The following LAP3 variants were observed in gnomAD, a reference collection of about 807,000 sequenced individuals.
LAP3 encodes the protein cytosol aminopeptidase.
In LAP3, 46 loss-of-function variants were observed where a neutral mutation model predicts 58.8. The ratio of observed to expected loss-of-function variants is 0.78; its 90% CI spans 0.62 to 1.00. The LOEUF is 1.00. Among genes scored for constraint, LAP3 ranks in the 50% least tolerant of loss-of-function variants. The probability of loss-of-function intolerance (pLI) is 0.00; values close to 1 mark genes in which losing one functional copy is unlikely to be tolerated. For missense variants in LAP3, 615 were observed against 659.1 expected (o/e 0.93, Z 0.73); for synonymous variants, 257 against 237.7 (o/e 1.08, Z -0.75).
intron 11 of LAP3, among the ~76,000 whole-genome samples, chr4:17,605,902 T>C (rs1384971476): frequency 6.6e-6 from 1 of 152,248 alleles, no homozygotes; most frequent in Non-Finnish European, 1.5e-5. Context: ...AACCCTTGGC[T>C]GATTCATCTG....
At chr4:17,595,718 A>G (rs543723504) in intron 8 of LAP3, among the ~76,000 whole-genome samples, 184 bp downstream of exon 8, 8 of 152,320 alleles carry the variant, frequency 5.3e-5, no homozygotes, top group African/African-American at 1.4e-4. Flanking sequence ...AGCTAAATGT[A>G]TCTTGCAACC....
intron 10 of LAP3, among the ~76,000 whole-genome samples, chr4:17,599,290 G>A (rs1429005015): frequency 1.3e-5 from 2 of 152,178 alleles, no homozygotes; most frequent in African/African-American, 2.4e-5. Context: ...TGTAATCCCA[G>A]CACTTTGGGA....
At chr4:17,581,928 C>G in intron 3 of LAP3, 114 bp downstream of exon 3, 1 of 888,950 alleles carries the variant, frequency 1.1e-6, no homozygotes, top group African/African-American at 1.7e-5. Context: ...TGATTTTATT[C>G]CACTATTAAG....
intron 4 of LAP3, 135 bp from the exon 5 acceptor site, chr4:17,583,348 C>G: frequency 1.1e-6 from 1 of 883,646 alleles, no homozygotes; most frequent in Non-Finnish European, 1.8e-6. Flanking sequence ...AAATGAGGCT[C>G]AGAACATTCG....
At chr4:17,605,130 ACACAC>A (rs1215450149) in intron 11 of LAP3, among the ~76,000 whole-genome samples, 2 of 151,560 alleles carry the variant, frequency 1.3e-5, no homozygotes, top group Non-Finnish European at 2.9e-5. Context: ...ACACACACAC[ACACAC>A]ACACACACAC....
chr4:17,583,516 C>T lies in LAP3; in HGVS notation c.413C>T (p.Ser138Leu), dbSNP rs375492076. ...AGGCAGATTCAAGACCTGGAGCTCT[C>T]GTCTGTGGAGGTGGATCCCTGTGGA... is the stretch of plus-strand genomic sequence containing the variant. ...GCRQIQDLELSSVEVDPCGDA... is the reference protein window; with the variant it reads ...GCRQIQDLELLSVEVDPCGDA... The change falls in exon 5 of 13, where the codon TCG becomes TTG. Residue 138 changes from serine (S) to leucine (L), a missense_variant. Coordinates refer to ENST00000226299, the MANE Select transcript of LAP3 (RefSeq NM_015907.3). The T allele has an allele frequency of 4.6e-5, 74 of 1,613,928 alleles. No individual in the cohort carries two copies. The highest frequency in any genetic ancestry group is 1.5e-4 in the African/African-American group (11 of 74,876).
chr4:17,607,468 T>C lies in LAP3; in HGVS notation c.1439T>C (p.Leu480Ser). ...GTAACTCATCCTAAGTGGGCACATT[T>C]AGACATAGCAGGCGTGATGACCAAC... ...EFVTHPKWAH[L>S]DIAGVMTNKD... Residue 480 changes from leucine to serine, a missense_variant, in exon 13 of 13, where the codon TTA becomes TCA. By Grantham distance (145) the Leu-to-Ser change is moderately radical. Coordinates refer to ENST00000226299, the MANE Select transcript of LAP3 (RefSeq NM_015907.3). 1 of 1,614,132 alleles carries C rather than the reference T, an allele frequency of 6.2e-7. No homozygotes were observed. The highest frequency in any genetic ancestry group is 8.5e-7 in the Non-Finnish European group (1 of 1,180,016).
chr4:17,593,050 C>T (rs912545196), intron 7 of LAP3, among the ~76,000 whole-genome samples: 1 of 152,204 alleles, frequency 6.6e-6, no homozygotes. Flanking sequence ...CTGCCTGCCC[C>T]AGCCTCCCAG....
At chr4:17,590,597 A>G (rs1713660166) in intron 7 of LAP3, among the ~76,000 whole-genome samples, 1 of 152,144 alleles carries the variant, frequency 6.6e-6, no homozygotes, top group Non-Finnish European at 1.5e-5. Flanking sequence ...TTTGAGACAG[A>G]GTCTAGCTCT....
At chr4:17,598,286 T>C (rs1233000708) in intron 9 of LAP3, among the ~76,000 whole-genome samples, 170 bp from the exon 10 acceptor site, 1 of 152,182 alleles carries the variant, frequency 6.6e-6, no homozygotes, top group East Asian at 1.9e-4. Flanking sequence ...TTAAATCATA[T>C]TTGCTCTCCA....
At chr4:17,605,612 T>C (rs1288356674) in intron 11 of LAP3, among the ~76,000 whole-genome samples, 1 of 152,160 alleles carries the variant, frequency 6.6e-6, no homozygotes, top group Non-Finnish European at 1.5e-5. Context: ...TCTAAACTTA[T>C]TTTCACTCTA....
intron 9 of LAP3, among the ~76,000 whole-genome samples, chr4:17,597,423 C>T (rs1002556348): frequency 6.6e-6 from 1 of 152,134 alleles, no homozygotes; most frequent in African/African-American, 2.4e-5. Context: ...ACCACAGGTG[C>T]GTGCCACCAT....
intron 6 of LAP3, among the ~76,000 whole-genome samples, chr4:17,588,274 A>G (rs975400798): frequency 6.7e-6 from 1 of 150,160 alleles, no homozygotes; most frequent in Non-Finnish European, 1.5e-5. Flanking sequence ...TCCTCAAGTG[A>G]TCCTCCTTCA....
In LAP3 at chr4:17,606,192, T is replaced by C. The variant is rs534753939; in HGVS notation, c.1261-637T>C. Among the ~76,000 whole-genome samples the C allele has an allele frequency of 8.5e-5, 13 of 152,268 alleles. No individual in the cohort carries two copies. The South Asian group carries it at 2.7e-3, about 32-fold the overall frequency. ...AGTGATACAGGTCCAGTCGTGTGTTTCTGTCACATAGAAGTGACCCGCCAC... is the reference window on the plus strand; with the variant it reads ...AGTGATACAGGTCCAGTCGTGTGTTCCTGTCACATAGAAGTGACCCGCCAC... On this transcript the variant is annotated intron_variant, in intron 11 of 12. Transcript: ENST00000226299.
At position 17,607,516 on chromosome 4, in the gene LAP3, G is replaced by A. The variant is rs539043092; in HGVS notation, c.1487G>A (p.Arg496Gln). ...MTNKDEVPYL[R>Q]KGMTGRPTRT... ...AACAAAGATGAAGTTCCCTATCTAC[G>A]GAAAGGCATGACTGGGAGGCCCACA... Residue 496 changes from arginine (R) to glutamine (Q), a missense_variant, in exon 13 of 13, where the codon CGG becomes CAG. Coordinates refer to ENST00000226299, the MANE Select transcript of LAP3 (RefSeq NM_015907.3). The A allele has an allele frequency of 1.9e-5, 31 of 1,614,058 alleles. No homozygotes were observed. Among genetic ancestry groups the A allele is most frequent in the Admixed American group, 1.0e-4 (6 of 59,984 alleles).
At chr4:17,599,868 CAGTT>C (rs1208175248) in intron 10 of LAP3, among the ~76,000 whole-genome samples, 28 of 152,286 alleles carry the variant, frequency 1.8e-4, no homozygotes, top group Admixed American at 2.6e-4. Flanking sequence ...ACTTACTAGT[CAGTT>C]AGCCGTGGGC....
At chr4:17,586,897 G>A (rs1713529105) in intron 6 of LAP3, among the ~76,000 whole-genome samples, 1 of 152,190 alleles carries the variant, frequency 6.6e-6, no homozygotes, top group Admixed American at 6.5e-5. Flanking sequence ...CTTGAGGTCA[G>A]GAATTCAAGA....
intron 10 of LAP3, 105 bp from the exon 11 acceptor site, chr4:17,604,483 A>T (rs1180142655): frequency 1.4e-6 from 1 of 713,894 alleles, no homozygotes; most frequent in Non-Finnish European, 2.5e-6. Flanking sequence ...TTTGAAAATG[A>T]GGAAGCCATT....
intron 9 of LAP3, 95 bp downstream of exon 9, chr4:17,597,229 A>G: frequency 1.0e-6 from 1 of 1,003,102 alleles, no homozygotes; most frequent in Non-Finnish European, 1.6e-6. Context: ...GCAGAGCCCC[A>G]GAACCATATT....
Sources: gnomAD v4.1 joint callset for allele counts (sites outside exome capture counted in the v4.1 genomes callset) on GRCh38, gnomAD v4.1.1 for gene constraint, MANE v1.5 for transcripts, NCBI Gene and HGNC (gene_info 2026-07-23, HGNC 2026-07-21) for gene names.